PLRG1: variants seen among roughly 807,000 people sequenced by gnomAD.
The protein encoded by PLRG1 is pleiotropic regulator 1.
Under a neutral mutation model 74.9 loss-of-function variants are expected in PLRG1, and 28 were observed. The ratio of observed to expected loss-of-function variants is 0.37; its 90% confidence interval spans 0.28 to 0.51. The LOEUF is 0.51. Among genes scored for constraint, PLRG1 ranks in the 20% least tolerant of loss-of-function variants. PLRG1 has a pLI of 0.91. For missense variants in PLRG1, 445 were observed against 631.9 expected, an observed-to-expected ratio of 0.70 and a Z score of 3.17; for synonymous variants, 197 against 212.4, an observed-to-expected ratio of 0.93 and a Z score of 0.63.
intron 7 of PLRG1, chr4:154,544,172 C>A (rs1034152875): frequency 2.5e-5 from 6 of 238,536 alleles, no homozygotes; most frequent in Non-Finnish European, 4.8e-5. Context: ...ATACTTTGAA[C>A]ACTTTTTCTA....
At chr4:154,541,228 G>A (rs970875557) in intron 8 of PLRG1, among the ~76,000 whole-genome samples, 2 of 151,958 alleles carry the variant, frequency 1.3e-5, no homozygotes, top group Non-Finnish European at 2.9e-5. Context: ...AACTGAGGCT[G>A]GCAACAACTT....
At position 154,536,008 on chromosome 4, in the gene PLRG1, T is replaced by G. The variant is rs774509662; in HGVS notation, c.*677A>C. On this transcript the variant is annotated 3_prime_UTR_variant, in exon 15 of 15. Transcript: ENST00000499023. ...TTTTCCTTCTTTGTCTTCCTTCACT[T>G]CAAGGTAATCTCCAATGCCACTTAC... The G allele has an allele frequency of 3.9e-5, 6 of 152,328 alleles. No individual in the cohort carries two copies. Among genetic ancestry groups the G allele is most frequent in the African/African-American group, 7.2e-5 (3 of 41,412 alleles). The allele number at this position is 152,328 out of a possible 1,614,324, so 9.4% of individuals were successfully genotyped here.
chr4:154,544,510 G>T lies in PLRG1; in HGVS notation c.529C>A (p.Leu177Met). 6.2e-7 allele frequency: 1 copy of T among 1,612,340 alleles called. No individual in the cohort carries two copies. The highest frequency in any genetic ancestry group is 8.5e-7 in the Non-Finnish European group (1 of 1,178,440). Reference protein sequence around the residue: ...METGNTKNSALMAKKAPTMPK... With the variant: ...METGNTKNSAMMAKKAPTMPK... ...ATTGTAGGGGCTTTTTTAGCCATCA[G>T]TGCAGAGTTCTTGGTATTGCCAGTC... is the stretch of plus-strand genomic sequence containing the variant. The change falls in exon 7 of 15, where the codon CTG becomes ATG. Residue 177 changes from leucine (L) to methionine (M), a missense_variant. Physicochemically the swap from Leu to Met is conservative, Grantham distance 15 (BLOSUM62 2). Around this residue, in one of 3 missense-constraint regions of PLRG1, gnomAD observed 206 missense variants for 210.8 expected, o/e 0.98. Coordinates refer to ENST00000499023, the MANE Select transcript of PLRG1 (RefSeq NM_002669.4).
chr4:154,537,855 C>A (rs1259541732), intron 13 of PLRG1, 114 bp downstream of exon 13: 4 of 600,830 alleles, frequency 6.7e-6, no homozygotes, highest in East Asian at 2.9e-5. Context: ...CCTAACCAGG[C>A]AAGTGCTGCT....
intron 13 of PLRG1, among the ~76,000 whole-genome samples, chr4:154,537,756 T>C (rs1204633024): frequency 6.6e-6 from 1 of 152,056 alleles, no homozygotes; most frequent in African/African-American, 2.4e-5. Flanking sequence ...TGAGATTCAT[T>C]AGATGGGAAC....
At chr4:154,537,601 G>T in intron 13 of PLRG1, 122 bp from the exon 14 acceptor site, 1 of 625,828 alleles carries the variant, frequency 1.6e-6, no homozygotes. Context: ...ATAAGACACA[G>T]GCACTCCACC....
rs1729471229 is a variant in PLRG1, at chr4:154,537,409, C to T, written c.1362G>A (p.Val454=). ...GYNFQRVHAA[V]QPGSLDSESG... ...ATTCACTGTCCAAAGACCCAGGTTG[C>T]ACAGCTGCGTGAACTCTCTGAAAAT... The change falls in exon 14 of 15, where the codon GTG becomes GTA. Residue 454 remains valine (V), a synonymous_variant. Transcript: ENST00000499023. 1 of 1,613,322 alleles carries T rather than the reference C, an allele frequency of 6.2e-7. No homozygotes were observed. Among genetic ancestry groups the T allele is most frequent in the Admixed American group, 1.7e-5 (1 of 59,914 alleles).
At chr4:154,547,880 C>G in intron 2 of PLRG1, 27 bp from the exon 3 acceptor site, 3 of 1,549,890 alleles carry the variant, frequency 1.9e-6, no homozygotes, top group Non-Finnish European at 2.6e-6. Flanking sequence ...AACATAAGAA[C>G]GTATCCATAA....
At chr4:154,548,701 A>ACAC in intron 2 of PLRG1, 128 bp downstream of exon 2, 1 of 598,094 alleles carries the variant, frequency 1.7e-6, no homozygotes, top group Non-Finnish European at 3.0e-6. Flanking sequence ...TTATGCCAAA[A>ACAC]CACCACTCAT....
Position 154,540,851 on chromosome 4 carries a change from C to T in PLRG1, c.771G>A (p.Arg257=), listed in dbSNP as rs1367990603. The T allele has an allele frequency of 6.2e-7, 1 of 1,613,070 alleles. No individual in the cohort carries two copies. The highest frequency in any genetic ancestry group is 1.7e-5 in the Admixed American group (1 of 59,984). The change falls in exon 9 of 15, where the codon AGG becomes AGA. Residue 257 remains arginine, a synonymous_variant. Transcript: ENST00000499023. ...STVRGVIVST[R]SPYLFSCGED... ...CTCCACAAGAGAACAGATATGGGCT[C>T]CTTGTGCTTACTATCACGCCCCGCA...
At position 154,537,052 on chromosome 4, in the gene PLRG1, C is replaced by G. The variant is rs186632460; in HGVS notation, c.1485+234G>C. Among the ~76,000 whole-genome samples the G allele has an allele frequency of 7.2e-5, 11 of 152,102 alleles. No homozygotes were observed. The East Asian group carries it at 1.5e-3, about 21-fold the overall frequency. ...AGCAATCTATTTATTTGCTGTTATT[C>G]TTGGTGCAACATTTCCCAGCAACTA... On this transcript the variant is annotated intron_variant, in intron 14 of 14. Transcript: ENST00000499023.
At chr4:154,543,610 G>T (rs922063183) in intron 7 of PLRG1, among the ~76,000 whole-genome samples, 5 of 152,148 alleles carry the variant, frequency 3.3e-5, no homozygotes, top group African/African-American at 1.2e-4. Flanking sequence ...AGAGGTGAAG[G>T]AAAGTGTAAC....
chr4:154,547,952 G>C (rs942885116), intron 2 of PLRG1, 99 bp from the exon 3 acceptor site: 1 of 826,482 alleles, frequency 1.2e-6, no homozygotes, highest in African/African-American at 1.7e-5. Context: ...TTTCTAGTAT[G>C]ATTTTAAGTA....
intron 13 of PLRG1, 98 bp from the exon 14 acceptor site, chr4:154,537,577 G>T (rs967375735): frequency 1.3e-6 from 1 of 758,526 alleles, no homozygotes. Context: ...GGAATACTAC[G>T]GTTATAAAAA....
In PLRG1 at chr4:154,536,686, TA is replaced by T; in HGVS notation, c.1543del (p.Ter515AsnfsTer24). ...GAGAGAGAAAAAATTCCACATTCAT[TA>T]AAATCTCTTTCTCTTGATAATTTCT... ...KPEIIKRKRF[*>X] is the part of the protein sequence containing the mutation. On this transcript the variant is annotated frameshift_variant and stop_lost, in exon 15 of 15. Transcript: ENST00000499023. LOFTEE classifies it high-confidence loss of function. 6.7e-7 allele frequency: 1 copy of T among 1,488,698 alleles called. No individual in the cohort carries two copies. The highest frequency in any genetic ancestry group is 9.2e-7 in the Non-Finnish European group (1 of 1,084,360). The allele number at this position is 1,488,698 out of a possible 1,614,324, so 92.2% of individuals were successfully genotyped here.
At chr4:154,542,973 G>T (rs563313868) in intron 7 of PLRG1, among the ~76,000 whole-genome samples, 1 of 152,280 alleles carries the variant, frequency 6.6e-6, no homozygotes, top group South Asian at 2.1e-4. Context: ...AGTTTGGTTA[G>T]CTAGTTTGGT....
chr4:154,549,191 T>C (rs1729714282), intron 1 of PLRG1: 1 of 452,624 alleles, frequency 2.2e-6, no homozygotes, highest in Non-Finnish European at 4.2e-6. Flanking sequence ...GCTCCTACTG[T>C]GTGTCTGGCA....
intron 12 of PLRG1, among the ~76,000 whole-genome samples, chr4:154,538,613 G>A (rs536594113): frequency 1.3e-5 from 2 of 150,394 alleles, no homozygotes; most frequent in South Asian, 4.2e-4. Flanking sequence ...AGGAAGGAGA[G>A]GAAGAATCCA....
chr4:154,536,680 A>T lies in PLRG1; in HGVS notation c.*5T>A. ...AAAAAAGAGAGAGAAAAAATTCCAC[A>T]TTCATTAAAATCTCTTTCTCTTGAT... On this transcript the variant is annotated 3_prime_UTR_variant, in exon 15 of 15. Coordinates refer to ENST00000499023, the MANE Select transcript of PLRG1 (RefSeq NM_002669.4). The T allele has an allele frequency of 7.0e-7, 1 of 1,438,296 alleles. No homozygotes were observed. Among genetic ancestry groups the T allele is most frequent in the South Asian group, 1.2e-5 (1 of 80,608 alleles). The allele number at this position is 1,438,296 out of a possible 1,614,324, so 89.1% of individuals were successfully genotyped here.
Sources: allele counts gnomAD v4.1 joint callset (sites outside exome capture counted in the v4.1 genomes callset), GRCh38; gene constraint gnomAD v4.1.1; regional missense constraint gnomAD v4.1.1; transcripts MANE v1.5; gene names NCBI Gene and HGNC (gene_info 2026-07-23, HGNC 2026-07-21).